Variants in GRIN3A observed in about 807,000 individuals in gnomAD.
The protein encoded by GRIN3A is glutamate receptor ionotropic, NMDA 3A.
In GRIN3A, 47 loss-of-function variants were observed where a neutral mutation model predicts 92.4. The ratio of observed to expected loss-of-function variants is 0.51; its 90% CI spans 0.40 to 0.65. The LOEUF is 0.65. GRIN3A is among the 30% of genes least tolerant of loss of function. GRIN3A has a pLI of 0.00. For missense variants in GRIN3A, 1,324 were observed against 1,393.1 expected, an observed-to-expected ratio of 0.95 and a Z score of 0.79; for synonymous variants, 527 against 540.6, an observed-to-expected ratio of 0.97 and a Z score of 0.35.
chr9:101,576,419 G>A lies in GRIN3A; in HGVS notation c.3008+1349C>T, dbSNP rs538619221. 2.0e-5 allele frequency among the ~76,000 whole-genome samples: 3 copies of A among 152,250 alleles called. No homozygotes were observed. In the East Asian group the frequency reaches 5.8e-4, roughly 29 times the overall value. ...TTCTCCTTAGATCCTCAAAATAAGGGGTTCAGGAAGGGAATCTGCCAAGAA... is the reference window on the plus strand; with the variant it reads ...TTCTCCTTAGATCCTCAAAATAAGGAGTTCAGGAAGGGAATCTGCCAAGAA... On this transcript the variant is annotated intron_variant, in intron 8 of 8. Coordinates refer to ENST00000361820, the MANE Select transcript of GRIN3A (RefSeq NM_133445.3).
At chr9:101,594,540 G>C in intron 6 of GRIN3A, 2 of 1,614,132 alleles carry the variant, frequency 1.2e-6, no homozygotes, top group Non-Finnish European at 1.7e-6. Context: ...TGCTGGAGCT[G>C]CCAGTCCGTC....
intron 1 of GRIN3A, among the ~76,000 whole-genome samples, chr9:101,723,590 A>G (rs1056026434): frequency 2.0e-5 from 3 of 152,132 alleles, no homozygotes; most frequent in African/African-American, 7.2e-5. Flanking sequence ...GGCCCCACCC[A>G]TGTCCTGCTG....
Position 101,738,099 on chromosome 9 carries a change from G to T in GRIN3A, c.-120C>A, listed in dbSNP as rs1420718807. On this transcript the variant is annotated 5_prime_UTR_variant, in exon 1 of 9. Transcript: ENST00000361820. The stretch of plus-strand genomic sequence containing the variant: ...GCAGCTTCACTCCACTCGGTGAAGC[G>T]GTCCCAGGAGCTGGAGCGGTCTCTA... 1.6e-5 allele frequency: 14 copies of T among 869,120 alleles called. No homozygotes were observed. In the East Asian group the frequency reaches 3.2e-4, roughly 20 times the overall value. The allele number at this position is 869,120 out of a possible 1,614,324, so 53.8% of individuals were successfully genotyped here.
At position 101,652,388 on chromosome 9, in the gene GRIN3A, G is replaced by A. The variant is rs536502840; in HGVS notation, c.2352+17672C>T. Among the ~76,000 whole-genome samples the A allele has an allele frequency of 3.3e-5, 5 of 152,022 alleles. No individual in the cohort carries two copies. In the East Asian group the frequency reaches 9.7e-4, roughly 30 times the overall value. On this transcript the variant is annotated intron_variant, in intron 3 of 8. Transcript: ENST00000361820. ...GCAGTTCTCATGTGGTGGTTTCCAT[G>A]ACACCCTATGAAAGTTAGAAGAAAC...
intron 1 of GRIN3A, among the ~76,000 whole-genome samples, chr9:101,719,071 G>C (rs776050907): frequency 1.3e-5 from 2 of 152,164 alleles, no homozygotes; most frequent in Non-Finnish European, 2.9e-5. Flanking sequence ...CCATTTAGGG[G>C]TTTAAGCAGG....
chr9:101,581,269 G>T (rs117884861), intron 6 of GRIN3A, among the ~76,000 whole-genome samples: 362 of 152,256 alleles, frequency 2.4e-3, no homozygotes, highest in Non-Finnish European at 3.5e-3. Context: ...ATACTAACCT[G>T]AGGGTAGCAT....
At chr9:101,633,524 A>G (rs1433191431) in intron 3 of GRIN3A, among the ~76,000 whole-genome samples, 1 of 152,176 alleles carries the variant, frequency 6.6e-6, no homozygotes, top group East Asian at 1.9e-4. Context: ...TGGACAGGTA[A>G]TGGTCCGTGG....
At chr9:101,651,461 C>A (rs12379138) in intron 3 of GRIN3A, among the ~76,000 whole-genome samples, 31,128 of 151,786 alleles carry the variant, frequency 0.21, 3,401 homozygotes, top group Non-Finnish European at 0.25. Context: ...TTTTGATACT[C>A]TGGTGAACAC....
intron 6 of GRIN3A, chr9:101,594,960 A>C (rs755809841): frequency 6.4e-7 from 1 of 1,574,572 alleles, no homozygotes; most frequent in Non-Finnish European, 8.6e-7. Context: ...AAAGGGTCGG[A>C]GAGGGGAGCA....
At chr9:101,697,122 A>C (rs1230307435) in intron 1 of GRIN3A, among the ~76,000 whole-genome samples, 5 of 152,170 alleles carry the variant, frequency 3.3e-5, no homozygotes, top group Admixed American at 6.6e-5. Context: ...TTGCTACCTG[A>C]CATTGACGAG....
intron 3 of GRIN3A, among the ~76,000 whole-genome samples, chr9:101,639,709 G>T (rs1375686630): frequency 6.6e-6 from 1 of 152,180 alleles, no homozygotes; most frequent in East Asian, 1.9e-4. Flanking sequence ...AGATAACTCA[G>T]AAGGATTAAA....
chr9:101,595,907 A>G lies in GRIN3A; in HGVS notation c.2767-16547T>C, dbSNP rs532011162. 8.5e-5 allele frequency among the ~76,000 whole-genome samples: 13 copies of G among 152,288 alleles called. No homozygotes were observed. In the South Asian group the frequency reaches 2.7e-3, roughly 32 times the overall value. ...TGTTGAGAGTGACAGTCGCCTCTGG[A>G]TGATCTCACTTTTCTCCTTTTGTTT... On this transcript the variant is annotated intron_variant, in intron 6 of 8. Transcript: ENST00000361820.
chr9:101,588,011 T>C (rs1588237420), intron 6 of GRIN3A, among the ~76,000 whole-genome samples: 1 of 152,224 alleles, frequency 6.6e-6, no homozygotes, highest in Non-Finnish European at 1.5e-5. Context: ...CATTGCTGTG[T>C]CTATACATAT....
rs1039408349 is a variant in GRIN3A at position 101,737,219 on chromosome 9, C to G, written c.699+62G>C. 2.2e-6 allele frequency: 3 copies of G among 1,387,372 alleles called. No homozygotes were observed. In the African/African-American group the frequency reaches 4.3e-5, roughly 20 times the overall value. 85.9% of individuals were successfully genotyped at this position (1,387,372 alleles called of 1,614,324 possible). On this transcript the variant is annotated intron_variant, in intron 1 of 8. Coordinates refer to ENST00000361820, the MANE Select transcript of GRIN3A (RefSeq NM_133445.3). ...TTTACCAAGCCGTTTTCTCTCCCCTCATGCAATGGCCCCGGCCCCCAGCAG... is the reference window on the plus strand; with the variant it reads ...TTTACCAAGCCGTTTTCTCTCCCCTGATGCAATGGCCCCGGCCCCCAGCAG...
intron 6 of GRIN3A, among the ~76,000 whole-genome samples, chr9:101,608,832 A>G (rs1360914537): frequency 6.6e-6 from 1 of 152,230 alleles, no homozygotes; most frequent in South Asian, 2.1e-4. Flanking sequence ...TGTATAGAAT[A>G]CTGAATATTC....
chr9:101,692,972 A>T (rs1475510241), intron 1 of GRIN3A, among the ~76,000 whole-genome samples: 1 of 152,126 alleles, frequency 6.6e-6, no homozygotes, highest in African/African-American at 2.4e-5. Context: ...TGATGTCCCT[A>T]GTGCCTTATG....
At chr9:101,694,675 C>G (rs1480635282) in intron 1 of GRIN3A, among the ~76,000 whole-genome samples, 1 of 152,124 alleles carries the variant, frequency 6.6e-6, no homozygotes, top group Non-Finnish European at 1.5e-5. Flanking sequence ...CACACAAATA[C>G]AACTTTTGGG....
intron 3 of GRIN3A, among the ~76,000 whole-genome samples, chr9:101,651,713 T>C (rs1829017585): frequency 6.6e-6 from 1 of 151,644 alleles, no homozygotes; most frequent in Non-Finnish European, 1.5e-5. Flanking sequence ...GCTTGGAGGG[T>C]TATTATAAGT....
At chr9:101,725,333 A>G (rs1229772102) in intron 1 of GRIN3A, among the ~76,000 whole-genome samples, 2 of 152,194 alleles carry the variant, frequency 1.3e-5, no homozygotes, top group Non-Finnish European at 2.9e-5. Flanking sequence ...AAGAAGCTAG[A>G]TATTAAAAGG....
Sources: allele counts gnomAD v4.1 joint callset (sites outside exome capture counted in the v4.1 genomes callset), GRCh38; gene constraint gnomAD v4.1.1; transcripts MANE v1.5; gene names NCBI Gene and HGNC (gene_info 2026-07-23, HGNC 2026-07-21).